Variants in KIF26B observed in about 807,000 individuals in gnomAD.
KIF26B encodes the protein kinesin-like protein KIF26B.
A neutral mutation model predicts 151.2 loss-of-function variants in KIF26B; 63 were observed. The observed-to-expected ratio is 0.42, with a 90% CI of 0.34 to 0.51. KIF26B has a LOEUF of 0.51. Among genes scored for constraint, KIF26B ranks in the 20% least tolerant of loss-of-function variants. The pLI, the probability that KIF26B is intolerant of heterozygous loss-of-function variation, is 0.07. For missense variants in KIF26B, 2,813 were observed against 2,913.6 expected (o/e 0.97, Z 0.79); for synonymous variants, 1,357 against 1,262.1 (o/e 1.08, Z -1.59).
chr1:245,261,111 C>CTCCGTTCCT (rs1200358566), intron 2 of KIF26B, among the ~76,000 whole-genome samples: 2 of 148,862 alleles, frequency 1.3e-5, no homozygotes, highest in Non-Finnish European at 3.0e-5. Context: ...TCCTTCCTTC[C>CTCCGTTCCT]TCCGTTCCTT....
chr1:245,584,614 C>A (rs183027394), intron 5 of KIF26B, among the ~76,000 whole-genome samples: 3 of 152,080 alleles, frequency 2.0e-5, no homozygotes, highest in Admixed American at 2.0e-4. Flanking sequence ...CATTTTGGTA[C>A]GATTCCAATG....
At chr1:245,454,145 C>G (rs987117038) in intron 4 of KIF26B, among the ~76,000 whole-genome samples, 1 of 152,172 alleles carries the variant, frequency 6.6e-6, no homozygotes. Flanking sequence ...CATTTTAGAG[C>G]TACTAGAAGT....
chr1:245,592,385 C>T (rs528510600), intron 5 of KIF26B, among the ~76,000 whole-genome samples: 4 of 152,326 alleles, frequency 2.6e-5, no homozygotes, highest in South Asian at 2.1e-4. Flanking sequence ...CTTCCACCTT[C>T]GCCAGGCAGG....
In KIF26B at chr1:245,688,719, C is replaced by T; in HGVS notation, c.5736C>T (p.Ser1912=). The change falls in exon 12 of 15, where the codon TCC becomes TCT. Residue 1912 remains serine, a synonymous_variant. Transcript: ENST00000407071. ...MRDSEATGSA[S]SAQDSTSENS... The stretch of plus-strand genomic sequence containing the variant: ...ACAGCGAGGCCACCGGCAGCGCGTC[C>T]TCGGCGCAGGACTCCACGAGCGAGA... The T allele has an allele frequency of 1.2e-6, 2 of 1,609,108 alleles. No individual in the cohort carries two copies. The highest frequency in any genetic ancestry group is 2.2e-5 in the South Asian group (2 of 90,366).
chr1:245,697,083 C>A (rs1020245868), intron 12 of KIF26B, among the ~76,000 whole-genome samples: 4 of 152,292 alleles, frequency 2.6e-5, no homozygotes, highest in Admixed American at 1.3e-4. Context: ...TGCACTCCAG[C>A]CTGGGCGACA....
intron 4 of KIF26B, among the ~76,000 whole-genome samples, chr1:245,422,837 G>T (rs183378738): frequency 9.9e-4 from 151 of 152,256 alleles, no homozygotes; most frequent in Middle Eastern, 3.4e-3. Context: ...GGTGGCTCAC[G>T]CCTGTAATCC....
At chr1:245,343,554 A>AT (rs746654554) in intron 2 of KIF26B, among the ~76,000 whole-genome samples, 12 of 152,154 alleles carry the variant, frequency 7.9e-5, no homozygotes, top group Admixed American at 4.6e-4. Flanking sequence ...TAGCTTTTAC[A>AT]TTTTTGGCAG....
Position 245,283,056 on chromosome 1 carries a change from A to G in KIF26B, c.466-83778A>G, listed in dbSNP as rs372247616. ...ATGGCCTGCAAATTCTACAGCTACAATGGTGAGTCCAGCTGCTACCACCTA... is the reference window on the plus strand; with the variant it reads ...ATGGCCTGCAAATTCTACAGCTACAGTGGTGAGTCCAGCTGCTACCACCTA... On this transcript the variant is annotated intron_variant, in intron 2 of 14. Coordinates refer to ENST00000407071, the MANE Select transcript of KIF26B (RefSeq NM_018012.4). 34 of 196,822 alleles carry G rather than the reference A, an allele frequency of 1.7e-4. No individual in the cohort carries two copies. The East Asian group carries it at 2.7e-3, about 16-fold the overall frequency. 12.2% of individuals were successfully genotyped at this position (196,822 alleles called of 1,614,324 possible).
At chr1:245,216,793 T>G (rs1318861392) in intron 2 of KIF26B, among the ~76,000 whole-genome samples, 3 of 152,256 alleles carry the variant, frequency 2.0e-5, no homozygotes, top group Non-Finnish European at 4.4e-5. Context: ...TAAATCAGTG[T>G]GTTGAAAGAG....
At chr1:245,576,610 C>T (rs896141505) in intron 5 of KIF26B, among the ~76,000 whole-genome samples, 1 of 152,160 alleles carries the variant, frequency 6.6e-6, no homozygotes, top group African/African-American at 2.4e-5. Context: ...GATAGGTTTC[C>T]CTGGTGTTCC....
chr1:245,694,392 T>C (rs2044663550), intron 12 of KIF26B, among the ~76,000 whole-genome samples: 1 of 152,220 alleles, frequency 6.6e-6, no homozygotes, highest in Admixed American at 6.5e-5. Context: ...ATGCAGACAG[T>C]GGGCGATGGA....
intron 10 of KIF26B, among the ~76,000 whole-genome samples, chr1:245,659,129 T>C (rs1306509124): frequency 6.6e-6 from 1 of 152,006 alleles, no homozygotes; most frequent in Non-Finnish European, 1.5e-5. Flanking sequence ...TCCCAGCTAC[T>C]CGGCAGGCTG....
intron 3 of KIF26B, among the ~76,000 whole-genome samples, chr1:245,417,240 T>C (rs1572051749): frequency 6.6e-6 from 1 of 152,190 alleles, no homozygotes; most frequent in East Asian, 1.9e-4. Context: ...TGGATACATG[T>C]GTATGTTTTA....
chr1:245,239,797 A>G lies in KIF26B; in HGVS notation c.465+83114A>G, dbSNP rs150243502. ...AGGCATGAGCCATTGTGTCCTGACCAGTAAAATGATTTTCTGAATGTTTTA... is the reference window on the plus strand; with the variant it reads ...AGGCATGAGCCATTGTGTCCTGACCGGTAAAATGATTTTCTGAATGTTTTA... On this transcript the variant is annotated intron_variant, in intron 2 of 14. Coordinates refer to ENST00000407071, the MANE Select transcript of KIF26B (RefSeq NM_018012.4). This position sits in a 1 kb window ranked among gnomAD's most constrained non-coding sequence, Gnocchi z 4.3. 3.8e-3 allele frequency among the ~76,000 whole-genome samples: 581 copies of G among 152,196 alleles called. 17 individuals carry two copies. The East Asian group carries it at 0.084, about 22-fold the overall frequency.
rs1444189069 is a variant in KIF26B, at chr1:245,540,614, G to A, written c.1167-153G>A. On this transcript the variant is annotated intron_variant, in intron 4 of 14. Coordinates refer to ENST00000407071, the MANE Select transcript of KIF26B (RefSeq NM_018012.4). The surrounding 1 kb of genome is among the most constrained non-coding windows in gnomAD (Gnocchi z 4.6). The stretch of plus-strand genomic sequence containing the variant: ...AGCTCGTTAACTTCACTCTGTTATA[G>A]TAAGGGACTGCTACAGAGGACACTG... 1.3e-6 allele frequency: 1 copy of A among 776,298 alleles called. No homozygotes were observed. Among genetic ancestry groups the A allele is most frequent in the Non-Finnish European group, 2.4e-6 (1 of 424,690 alleles). The allele number at this position is 776,298 out of a possible 1,614,324, so 48.1% of individuals were successfully genotyped here.
At chr1:245,476,150 GATACAAAAGGCCAC>G (rs374832789) in intron 4 of KIF26B, among the ~76,000 whole-genome samples, 14 of 151,988 alleles carry the variant, frequency 9.2e-5, no homozygotes, top group African/African-American at 3.1e-4. Context: ...AAATAAGCCA[GATACAAAAGGCCAC>G]ATATAGTAAA....
chr1:245,477,809 G>A (rs1660073778), intron 4 of KIF26B, among the ~76,000 whole-genome samples: 2 of 151,808 alleles, frequency 1.3e-5, no homozygotes. Flanking sequence ...AGAGTCTATA[G>A]GGCCTAGGAG....
intron 2 of KIF26B, among the ~76,000 whole-genome samples, chr1:245,336,149 TGCAGGGAAAGAAGGTCCCAC>T (rs1170586773): frequency 9.1e-6 from 1 of 109,770 alleles, no homozygotes; most frequent in African/African-American, 4.9e-5. Context: ...GAGAGTCCCA[TGCAGGGAAAGAAGGTCCCAC>T]GCAGGGAAAG....
At chr1:245,618,494 A>G (rs111926521) in intron 9 of KIF26B, among the ~76,000 whole-genome samples, 3,298 of 134,980 alleles carry the variant, frequency 0.024, 65 homozygotes, top group Admixed American at 0.072. Flanking sequence ...CCGCTGCGTC[A>G]GTGTCCAAGC....
Sources: gnomAD v4.1 joint callset for allele counts (sites outside exome capture counted in the v4.1 genomes callset) on GRCh38, gnomAD v4.1.1 for gene constraint, Gnocchi (gnomAD v3.1) non-coding constraint, MANE v1.5 for transcripts, NCBI Gene and HGNC (gene_info 2026-07-23, HGNC 2026-07-21) for gene names.